Variants in SLC2A13 observed in about 807,000 individuals in gnomAD.
The protein encoded by SLC2A13 is proton myo-inositol cotransporter.
In SLC2A13, 32 loss-of-function variants were observed where a neutral mutation model predicts 64.4. That is an observed-to-expected ratio of 0.50 (90% CI 0.37 to 0.67). The LOEUF (loss-of-function observed/expected upper bound fraction) is 0.67. Among genes scored for constraint, SLC2A13 ranks in the 30% least tolerant of loss-of-function variants. The pLI is 0.00. For synonymous variants in SLC2A13, 338 were observed against 327.1 expected (o/e 1.03, Z -0.36); for missense variants, 743 against 829.2 (o/e 0.90, Z 1.28).
chr12:39,954,397 T>C (rs1222832659), intron 3 of SLC2A13, among the ~76,000 whole-genome samples: 1 of 152,052 alleles, frequency 6.6e-6, no homozygotes, highest in Admixed American at 6.6e-5. Flanking sequence ...TTCCCTTGAG[T>C]ATTCAGTTGA....
rs1565526506 is a variant in SLC2A13, at chr12:39,895,813, TACACACATGTATATGCGTGTATATGC to T, written c.1035-23878_1035-23853del. Among the ~76,000 whole-genome samples, 384 of 86,936 alleles carry T rather than the reference TACACACATGTATATGCGTGTATATGC, an allele frequency of 4.4e-3. 120 individuals are homozygous for T. Among genetic ancestry groups the T allele is most frequent in the African/African-American group, 0.017 (321 of 18,646 alleles). 57.0% of individuals were successfully genotyped at this position (86,936 alleles called of 152,430 possible). On this transcript the variant is annotated intron_variant, in intron 4 of 9. Coordinates refer to ENST00000280871, the MANE Select transcript of SLC2A13 (RefSeq NM_052885.4). ...ACACACATGTATATGCGTGTATACGTACACACATGTATATGCGTGTATATGCACACACATATGTATATGCGTGTATA... is the reference window on the plus strand; with the variant it reads ...ACACACATGTATATGCGTGTATACGTACACACATATGTATATGCGTGTATA...
At chr12:39,777,784 G>T (rs1346785908) in intron 7 of SLC2A13, among the ~76,000 whole-genome samples, 1 of 152,214 alleles carries the variant, frequency 6.6e-6, no homozygotes, top group Non-Finnish European at 1.5e-5. Flanking sequence ...GGCTGGGGCA[G>T]TCGGATGAGA....
intron 4 of SLC2A13, among the ~76,000 whole-genome samples, chr12:39,895,266 G>A (rs148059171): frequency 0.017 from 2,567 of 151,700 alleles, 24 homozygotes; most frequent in Non-Finnish European, 0.026. Flanking sequence ...CGAGGCGGGC[G>A]GATCATGAGG....
At chr12:39,971,785 G>A (rs1946649664) in intron 3 of SLC2A13, among the ~76,000 whole-genome samples, 1 of 151,654 alleles carries the variant, frequency 6.6e-6, no homozygotes. Flanking sequence ...GACCAGCCTG[G>A]CCAACATGGC....
intron 7 of SLC2A13, among the ~76,000 whole-genome samples, chr12:39,776,086 C>T (rs1056577930): frequency 1.3e-5 from 2 of 152,118 alleles, no homozygotes; most frequent in Non-Finnish European, 2.9e-5. Context: ...TAATCTGGGG[C>T]TTCTTCTTCC....
intron 6 of SLC2A13, among the ~76,000 whole-genome samples, chr12:39,851,765 G>A (rs1943476865): frequency 6.6e-6 from 1 of 152,156 alleles, no homozygotes; most frequent in Non-Finnish European, 1.5e-5. Flanking sequence ...TGAGCTTTGA[G>A]TCATTGATCA....
chr12:39,944,659 T>C (rs1203256429), intron 4 of SLC2A13, among the ~76,000 whole-genome samples: 2 of 152,260 alleles, frequency 1.3e-5, no homozygotes, highest in Non-Finnish European at 2.9e-5. Flanking sequence ...TAAGAATAGC[T>C]ACCCCCTGCT....
chr12:40,085,082 G>T (rs1042701262), intron 1 of SLC2A13, among the ~76,000 whole-genome samples: 1 of 152,144 alleles, frequency 6.6e-6, no homozygotes. Context: ...AGCACTTCTC[G>T]ACAGATGAAC....
chr12:39,879,086 T>C (rs73104981), intron 4 of SLC2A13, among the ~76,000 whole-genome samples: 2,201 of 152,374 alleles, frequency 0.014, 61 homozygotes, highest in African/African-American at 0.048. Context: ...CTTGCTGTCT[T>C]CTACATGGTG....
At chr12:39,926,279 A>G (rs1945727720) in intron 4 of SLC2A13, among the ~76,000 whole-genome samples, 1 of 152,168 alleles carries the variant, frequency 6.6e-6, no homozygotes, top group Non-Finnish European at 1.5e-5. Flanking sequence ...GAAAGTGATA[A>G]ATATCTCTTT....
intron 4 of SLC2A13, among the ~76,000 whole-genome samples, chr12:39,894,624 A>C (rs2135988274): frequency 6.6e-6 from 1 of 152,354 alleles, no homozygotes; most frequent in East Asian, 1.9e-4. Flanking sequence ...AGGGAAAATA[A>C]AATTAAACTG....
chr12:40,065,453 T>C (rs899074989), intron 1 of SLC2A13, among the ~76,000 whole-genome samples: 2 of 150,500 alleles, frequency 1.3e-5, no homozygotes, highest in African/African-American at 4.9e-5. Context: ...GGCATGGTAG[T>C]GCATGCCTGT....
chr12:39,803,510 G>A (rs952560602), intron 7 of SLC2A13, among the ~76,000 whole-genome samples: 2 of 151,934 alleles, frequency 1.3e-5, no homozygotes, highest in African/African-American at 4.8e-5. Flanking sequence ...AAAACCTTCA[G>A]ATTTAAAAAG....
chr12:39,784,453 T>C (rs546454254), intron 7 of SLC2A13, among the ~76,000 whole-genome samples: 1 of 152,298 alleles, frequency 6.6e-6, no homozygotes, highest in Non-Finnish European at 1.5e-5. Context: ...TTGACAAACC[T>C]GACGAAAGCA....
chr12:40,006,191 G>T (rs766296083), intron 3 of SLC2A13, among the ~76,000 whole-genome samples: 1 of 152,112 alleles, frequency 6.6e-6, no homozygotes, highest in East Asian at 1.9e-4. Flanking sequence ...ATGTTTACAG[G>T]AGCTCACTGG....
At chr12:39,972,084 T>TTATATATAAAGAATTCATATTTATA (rs1555144723) in intron 3 of SLC2A13, among the ~76,000 whole-genome samples, 1 of 136,312 alleles carries the variant, frequency 7.3e-6, no homozygotes, top group African/African-American at 2.7e-5. Flanking sequence ...GAATTTATAT[T>TTATATATAAAGAATTCATATTTATA]TATATATATA....
chr12:40,007,477 T>C (rs1325703851), intron 3 of SLC2A13, among the ~76,000 whole-genome samples: 1 of 146,548 alleles, frequency 6.8e-6, no homozygotes, highest in Non-Finnish European at 1.5e-5. Flanking sequence ...TTACAATTGC[T>C]GCTGAAAACA....
At chr12:40,038,018 T>C (rs1289826327) in intron 2 of SLC2A13, among the ~76,000 whole-genome samples, 2 of 152,216 alleles carry the variant, frequency 1.3e-5, no homozygotes, top group Admixed American at 1.3e-4. Flanking sequence ...CTCTTTAATA[T>C]TTCATTATTT....
At chr12:39,820,680 T>C (rs1255734324) in intron 7 of SLC2A13, among the ~76,000 whole-genome samples, 2 of 83,228 alleles carry the variant, frequency 2.4e-5, no homozygotes, top group East Asian at 7.3e-4. Flanking sequence ...TTCTGTGACC[T>C]AGCAGCATGT....
Sources: gnomAD v4.1 joint callset for allele counts (sites outside exome capture counted in the v4.1 genomes callset) on GRCh38, gnomAD v4.1.1 for gene constraint, MANE v1.5 for transcripts, NCBI Gene and HGNC (gene_info 2026-07-23, HGNC 2026-07-21) for gene names.